The following NYAP2 variants were observed in gnomAD, a reference collection of about 807,000 sequenced individuals.
The protein encoded by NYAP2 is neuronal tyrosine-phosphorylated phosphoinositide-3-kinase adapter 2.
A neutral mutation model predicts 50.4 loss-of-function variants in NYAP2; 23 were observed. That is an observed-to-expected ratio of 0.46 (90% confidence interval 0.33 to 0.65). The LOEUF is 0.65. NYAP2 is among the 30% of genes least tolerant of loss of function. The pLI, the probability that NYAP2 is intolerant of heterozygous loss-of-function variation, is 0.02. For missense variants in NYAP2, 885 were observed against 861.0 expected (o/e 1.03, Z -0.35); for synonymous variants, 394 against 365.2 (o/e 1.08, Z -0.90).
At chr2:225,504,707 T>C (rs972199820) in intron 3 of NYAP2, among the ~76,000 whole-genome samples, 3 of 152,108 alleles carry the variant, frequency 2.0e-5, no homozygotes, top group Non-Finnish European at 4.4e-5. Flanking sequence ...ACATATTTGA[T>C]ATTTAAAATA....
chr2:225,646,136 G>T (rs575367336), intron 6 of NYAP2, among the ~76,000 whole-genome samples: 49 of 152,274 alleles, frequency 3.2e-4, no homozygotes, highest in Middle Eastern at 3.4e-3. Context: ...GTAAGGATTT[G>T]TTTCATCAGC....
intron 4 of NYAP2, among the ~76,000 whole-genome samples, chr2:225,581,652 G>A (rs1390560204): frequency 6.6e-6 from 1 of 152,106 alleles, no homozygotes. Context: ...TCATCTGAAA[G>A]CTTCTCCTTA....
intron 3 of NYAP2, among the ~76,000 whole-genome samples, chr2:225,489,725 CG>C (rs1690371349): frequency 6.6e-6 from 1 of 152,098 alleles, no homozygotes; most frequent in Non-Finnish European, 1.5e-5. Flanking sequence ...CTTCTGAAAA[CG>C]GGGGTTGAAC....
chr2:225,430,683 A>C (rs1695352982), intron 3 of NYAP2, among the ~76,000 whole-genome samples: 1 of 151,686 alleles, frequency 6.6e-6, no homozygotes, highest in African/African-American at 2.4e-5. Context: ...CAGGGATTTG[A>C]ACCCAAGAGG....
intron 4 of NYAP2, among the ~76,000 whole-genome samples, chr2:225,541,962 A>C (rs1691480350): frequency 6.6e-6 from 1 of 152,074 alleles, no homozygotes; most frequent in South Asian, 2.1e-4. Flanking sequence ...AATTACTTTC[A>C]TCAGTATTTT....
intron 5 of NYAP2, among the ~76,000 whole-genome samples, chr2:225,588,447 A>G (rs2106233941): frequency 6.6e-6 from 1 of 152,212 alleles, no homozygotes; most frequent in South Asian, 2.1e-4. Context: ...ATGGACATAC[A>G]GGCCCACATA....
the NYAP2 span, among the ~76,000 whole-genome samples, chr2:225,661,944 G>A: frequency 6.6e-6 from 1 of 151,988 alleles, no homozygotes; most frequent in African/African-American, 2.4e-5. Flanking sequence ...GGCTGGTCTC[G>A]AACTCCTGAC....
intron 3 of NYAP2, among the ~76,000 whole-genome samples, chr2:225,444,715 G>C (rs1689525112): frequency 6.6e-6 from 1 of 152,170 alleles, no homozygotes; most frequent in Non-Finnish European, 1.5e-5. Flanking sequence ...TTGGCCAGTA[G>C]TAACTTGAAA....
intron 5 of NYAP2, among the ~76,000 whole-genome samples, chr2:225,614,713 A>C (rs1300595141): frequency 6.6e-6 from 1 of 152,258 alleles, no homozygotes; most frequent in Non-Finnish European, 1.5e-5. Flanking sequence ...GTTTTACAGA[A>C]GAGAAAATGA....
At chr2:225,601,559 T>C (rs185149147) in intron 5 of NYAP2, among the ~76,000 whole-genome samples, 236 of 152,346 alleles carry the variant, frequency 1.5e-3, no homozygotes, top group Non-Finnish European at 2.9e-3. Context: ...ATTTGTTCTT[T>C]TGTTTTGTTT....
intron 3 of NYAP2, among the ~76,000 whole-genome samples, chr2:225,429,514 T>A (rs577057394): frequency 3.9e-5 from 6 of 152,240 alleles, no homozygotes; most frequent in Admixed American, 6.5e-5. Context: ...AAAAATCATT[T>A]TCTTTTGAAA....
chr2:225,702,098 C>T, the NYAP2 span: 5 of 151,544 alleles, frequency 3.3e-5, no homozygotes, highest in Admixed American at 6.6e-5. Context: ...ACAATTCCTA[C>T]GATTTAAGCA....
At chr2:225,700,722 T>G in the NYAP2 span, 3 of 151,848 alleles carry the variant, frequency 2.0e-5, no homozygotes, top group Non-Finnish European at 4.4e-5. Context: ...ATGGTGATGA[T>G]TAACCCTCCC....
intron 2 of NYAP2, among the ~76,000 whole-genome samples, chr2:225,405,977 A>G (rs1409389328): frequency 2.6e-5 from 4 of 152,044 alleles, no homozygotes; most frequent in African/African-American, 9.7e-5. Flanking sequence ...ATTATTAAAT[A>G]TAATTCTAGC....
In NYAP2 at chr2:225,598,899, A is replaced by G. The variant is rs1454423664; in HGVS notation, c.1618+15864A>G. On this transcript the variant is annotated intron_variant, in intron 5 of 6. Coordinates refer to ENST00000636099, the Ensembl canonical transcript of NYAP2. ...GAAACCTGCAGCATGAGGCTTCTCCAGTTAAAAACAGCCCTGACCTACTTC... is the reference window on the plus strand; with the variant it reads ...GAAACCTGCAGCATGAGGCTTCTCCGGTTAAAAACAGCCCTGACCTACTTC... Among the ~76,000 whole-genome samples, 3 of 152,186 alleles carry G rather than the reference A, an allele frequency of 2.0e-5. No homozygotes were observed. In the East Asian group the frequency reaches 5.8e-4, roughly 29 times the overall value.
chr2:225,484,501 C>A (rs764650020), intron 3 of NYAP2, among the ~76,000 whole-genome samples: 4 of 152,178 alleles, frequency 2.6e-5, no homozygotes, highest in Admixed American at 1.3e-4. Context: ...GAAGTATTTT[C>A]TCTTGATTAC....
At chr2:225,528,930 A>G (rs1691203203) in intron 4 of NYAP2, among the ~76,000 whole-genome samples, 1 of 152,260 alleles carries the variant, frequency 6.6e-6, no homozygotes, top group Non-Finnish European at 1.5e-5. Context: ...GACATCAAAA[A>G]GCATGTCTGC....
chr2:225,621,112 CAAA>C (rs35570419), intron 5 of NYAP2, among the ~76,000 whole-genome samples: 1,051 of 98,454 alleles, frequency 0.011, 13 homozygotes, highest in African/African-American at 0.035. Flanking sequence ...GACTCCGTCT[CAAA>C]AAAAAAAAAA....
chr2:225,494,306 T>C (rs927654192), intron 3 of NYAP2, among the ~76,000 whole-genome samples: 23 of 152,232 alleles, frequency 1.5e-4, no homozygotes, highest in African/African-American at 5.5e-4. Flanking sequence ...CCTGATTTAC[T>C]GTGAATAGCC....
Sources: gnomAD v4.1 joint callset for allele counts (sites outside exome capture counted in the v4.1 genomes callset) on GRCh38, gnomAD v4.1.1 for gene constraint, MANE v1.5 for transcripts, NCBI Gene and HGNC (gene_info 2026-07-23, HGNC 2026-07-21) for gene names.